Variants in BACH2 observed in about 807,000 individuals in gnomAD.
BACH2 encodes transcription regulator protein BACH2.
A neutral mutation model predicts 61.8 loss-of-function variants in BACH2; 5 were observed. The ratio of observed to expected loss-of-function variants is 0.08; its 90% CI spans 0.04 to 0.17. The LOEUF (loss-of-function observed/expected upper bound fraction) is 0.17, where lower values mean the gene tolerates loss of function less well. BACH2 is among the 10% of genes least tolerant of loss of function. BACH2 has a pLI of 1.00. For synonymous variants in BACH2, 446 were observed against 440.1 expected, an observed-to-expected ratio of 1.01 and a Z score of -0.17; for missense variants, 824 against 1,091.1, an observed-to-expected ratio of 0.76 and a Z score of 3.45.
At chr6:89,948,579 C>T (rs1400408433) in intron 7 of BACH2, among the ~76,000 whole-genome samples, 2 of 152,312 alleles carry the variant, frequency 1.3e-5, no homozygotes, top group East Asian at 3.9e-4. Flanking sequence ...TCCACCAGTC[C>T]TTGGTAGGAA....
At chr6:89,972,001 TGAGG>T (rs1438919821) in intron 6 of BACH2, among the ~76,000 whole-genome samples, 1 of 152,098 alleles carries the variant, frequency 6.6e-6, no homozygotes, top group Admixed American at 6.5e-5. Context: ...AGCTGCAGCC[TGAGG>T]GAGGATTAGT....
Position 89,950,731 on chromosome 6 carries a change from A to G in BACH2, c.1375T>C (p.Ser459Pro). The stretch of plus-strand genomic sequence containing the variant: ...CACAGACCCTTTGGCACCGGCTCAG[A>G]GAGGTCTTTGTCCAAACTGCTCACC... ...SGVSSLDKDL[S>P]EPVPKGLWVG... The change falls in exon 7 of 9, where the codon TCT (serine) becomes CCT (proline). Residue 459 changes from serine to proline, a missense_variant. Ser to Pro is a moderately conservative substitution (Grantham distance 74). This residue lies in a region of BACH2 where 102 missense variants were observed against 98.1 expected (regional missense o/e 1.04). Coordinates refer to ENST00000257749, the MANE Select transcript of BACH2 (RefSeq NM_021813.4). The surrounding 1 kb of genome is among the most constrained non-coding windows in gnomAD (Gnocchi z 5.3). 6.2e-7 allele frequency: 1 copy of G among 1,614,132 alleles called. No individual in the cohort carries two copies. Among genetic ancestry groups the G allele is most frequent in the Non-Finnish European group, 8.5e-7 (1 of 1,179,998 alleles).
chr6:89,999,398 C>T (rs1411674146), intron 6 of BACH2, among the ~76,000 whole-genome samples: 3 of 151,310 alleles, frequency 2.0e-5, no homozygotes, highest in Non-Finnish European at 4.4e-5. Flanking sequence ...TTCGTGCTGG[C>T]GTGACCTACA....
intron 4 of BACH2, among the ~76,000 whole-genome samples, chr6:90,121,636 G>T (rs1393723782): frequency 2.0e-5 from 3 of 151,996 alleles, no homozygotes; most frequent in African/African-American, 7.3e-5. Context: ...TCCACCTTCC[G>T]GGCTCAAGCA....
chr6:90,154,339 C>T (rs541944320), intron 4 of BACH2, among the ~76,000 whole-genome samples: 12 of 152,124 alleles, frequency 7.9e-5, no homozygotes, highest in South Asian at 6.2e-4. Context: ...AGCCCAATCA[C>T]GTCAAAAAGA....
intron 8 of BACH2, among the ~76,000 whole-genome samples, chr6:89,933,826 A>AG (rs1772837032): frequency 6.6e-6 from 1 of 151,798 alleles, no homozygotes; most frequent in Non-Finnish European, 1.5e-5. Context: ...TCTCTACAAA[A>AG]AATACAAAAA....
intron 2 of BACH2, among the ~76,000 whole-genome samples, chr6:90,268,048 G>A (rs529444824): frequency 1.2e-4 from 17 of 137,950 alleles, no homozygotes; most frequent in Admixed American, 4.7e-4. Context: ...TTGCTCTGTC[G>A]CCCAGGCTAG....
At chr6:90,269,733 T>G (rs1010287549) in intron 2 of BACH2, among the ~76,000 whole-genome samples, 15 of 152,224 alleles carry the variant, frequency 9.9e-5, no homozygotes, top group Non-Finnish European at 1.6e-4. Flanking sequence ...CAGTGCTATA[T>G]TGTTTGGATT....
At chr6:90,102,839 T>TAATAATAAA (rs751278080) in intron 4 of BACH2, among the ~76,000 whole-genome samples, 1,836 of 122,166 alleles carry the variant, frequency 0.015, 31 homozygotes, top group Non-Finnish European at 0.021. Context: ...ATAATAATAA[T>TAATAATAAA]AAAAATAAAA....
intron 4 of BACH2, among the ~76,000 whole-genome samples, chr6:90,094,156 G>T (rs750632543): frequency 5.9e-5 from 9 of 152,318 alleles, no homozygotes; most frequent in African/African-American, 2.2e-4. Flanking sequence ...AACAGCCGTA[G>T]AAAAAGTACA....
chr6:90,129,518 T>A (rs539412443), intron 4 of BACH2, among the ~76,000 whole-genome samples: 1 of 152,212 alleles, frequency 6.6e-6, no homozygotes, highest in Admixed American at 6.5e-5. Context: ...TCTTTTTTTT[T>A]ATTATTATAC....
chr6:90,059,931 C>G (rs1230595392), intron 5 of BACH2, among the ~76,000 whole-genome samples: 2 of 133,558 alleles, frequency 1.5e-5, no homozygotes, highest in Non-Finnish European at 3.1e-5. Context: ...ACAATGAGAA[C>G]ACATGGACAC....
At chr6:90,115,536 C>T (rs1276093959) in intron 4 of BACH2, among the ~76,000 whole-genome samples, 1 of 152,076 alleles carries the variant, frequency 6.6e-6, no homozygotes, top group African/African-American at 2.4e-5. Flanking sequence ...GGATTAAACA[C>T]TTAAATGTAA....
chr6:90,122,210 C>G (rs1428003172), intron 4 of BACH2, among the ~76,000 whole-genome samples: 7 of 152,252 alleles, frequency 4.6e-5, no homozygotes, highest in African/African-American at 1.7e-4. Flanking sequence ...AAGCACTTCA[C>G]TGGGGATGCC....
intron 4 of BACH2, among the ~76,000 whole-genome samples, chr6:90,148,559 G>C (rs1024841291): frequency 5.3e-5 from 8 of 152,122 alleles, no homozygotes; most frequent in African/African-American, 1.4e-4. Flanking sequence ...TTCATACATG[G>C]ATTCTAGACA....
At chr6:90,126,270 A>C (rs1305455035) in intron 4 of BACH2, among the ~76,000 whole-genome samples, 1 of 152,230 alleles carries the variant, frequency 6.6e-6, no homozygotes, top group Non-Finnish European at 1.5e-5. Context: ...AGCTGCTAGA[A>C]TGGGAACAAT....
intron 5 of BACH2, among the ~76,000 whole-genome samples, chr6:90,060,475 A>T (rs956422465): frequency 6.6e-6 from 1 of 152,096 alleles, no homozygotes; most frequent in Admixed American, 6.5e-5. Context: ...GGTTTTCTTT[A>T]GCTCTTTTTC....
At chr6:90,224,823 T>A (rs1769856980) in intron 3 of BACH2, among the ~76,000 whole-genome samples, 1 of 152,174 alleles carries the variant, frequency 6.6e-6, no homozygotes, top group Non-Finnish European at 1.5e-5. Context: ...TTAAGGCTCA[T>A]CAAGTCATTC....
chr6:90,014,440 G>GTGTGTGTGTGTGTA (rs1330299169), intron 5 of BACH2, among the ~76,000 whole-genome samples: 2 of 48,040 alleles, frequency 4.2e-5, no homozygotes, highest in Admixed American at 3.0e-4. Flanking sequence ...GTGTGTGTGT[G>GTGTGTGTGTGTGTA]TATATATATA....
Sources: allele counts gnomAD v4.1 joint callset (sites outside exome capture counted in the v4.1 genomes callset), GRCh38; gene constraint gnomAD v4.1.1; regional missense constraint gnomAD v4.1.1; non-coding constraint Gnocchi (gnomAD v3.1); transcripts MANE v1.5; gene names NCBI Gene and HGNC (gene_info 2026-07-23, HGNC 2026-07-21).